The following FAM13A variants were observed in gnomAD, a reference collection of about 807,000 sequenced individuals.
FAM13A encodes protein FAM13A.
In FAM13A, 76 loss-of-function variants were observed where a neutral mutation model predicts 129.6. The observed-to-expected ratio is 0.59, with a 90% CI of 0.49 to 0.71. The LOEUF (loss-of-function observed/expected upper bound fraction) is 0.71, where lower values mean the gene tolerates loss of function less well. Among genes scored for constraint, FAM13A ranks in the 30% least tolerant of loss-of-function variants. The pLI is 0.00. For synonymous variants in FAM13A, 443 were observed against 449.9 expected (o/e 0.98, Z 0.20); for missense variants, 1,108 against 1,249.3 (o/e 0.89, Z 1.70).
chr4:88,733,170 A>G (rs1490610194), intron 21 of FAM13A, among the ~76,000 whole-genome samples: 1 of 152,264 alleles, frequency 6.6e-6, no homozygotes, highest in Non-Finnish European at 1.5e-5. Context: ...AGGCCGCAGC[A>G]GTTCCCGCTG....
In FAM13A at chr4:88,731,335, CT is replaced by C; in HGVS notation, c.2936del (p.Gln979ArgfsTer24). On this transcript the variant is annotated frameshift_variant, in exon 23 of 24. Transcript: ENST00000264344. LOFTEE classifies it high-confidence loss of function. Reference protein sequence around the residue: ...LRDFEDNFFRQNGRNVQKEDR... With the variant: ...LRDFEDNFFRXNGRNVQKEDR... ...GGGAAGACAGGCACTACCTTCCATT[CT>C]GTCTGAAAAAGTTGTCTTCAAAATC... The C allele has an allele frequency of 6.3e-7, 1 of 1,599,650 alleles. No individual in the cohort carries two copies. Among genetic ancestry groups the C allele is most frequent in the Non-Finnish European group, 8.5e-7 (1 of 1,171,408 alleles).
chr4:88,847,260 G>A (rs946923734), intron 7 of FAM13A, among the ~76,000 whole-genome samples: 8 of 152,124 alleles, frequency 5.3e-5, no homozygotes, highest in Non-Finnish European at 1.0e-4. Context: ...GTTCATGCCT[G>A]TAATCCCAGC....
chr4:88,826,664 T>C (rs1733042547), intron 7 of FAM13A, among the ~76,000 whole-genome samples: 1 of 152,144 alleles, frequency 6.6e-6, no homozygotes, highest in South Asian at 2.1e-4. Context: ...ATCAAGATCA[T>C]CAAATATAAG....
At chr4:88,863,692 A>G (rs1248908385) in intron 6 of FAM13A, among the ~76,000 whole-genome samples, 1 of 152,230 alleles carries the variant, frequency 6.6e-6, no homozygotes, top group Non-Finnish European at 1.5e-5. Flanking sequence ...CACCCAGTTC[A>G]TGTCTGCAGA....
chr4:88,749,061 C>T, intron 16 of FAM13A, 28 bp from the exon 17 acceptor site: 3 of 1,512,012 alleles, frequency 2.0e-6, no homozygotes, highest in Non-Finnish European at 2.8e-6. Context: ...AGAGTAAATG[C>T]TTTGGAACTG....
intron 3 of FAM13A, among the ~76,000 whole-genome samples, chr4:89,020,022 A>G (rs1371923593): frequency 6.6e-6 from 1 of 152,056 alleles, no homozygotes; most frequent in African/African-American, 2.4e-5. Flanking sequence ...ATTAGTCAGA[A>G]AAACATGTCT....
At chr4:88,881,363 C>A (rs977556628) in intron 6 of FAM13A, among the ~76,000 whole-genome samples, 1 of 152,148 alleles carries the variant, frequency 6.6e-6, no homozygotes, top group Non-Finnish European at 1.5e-5. Flanking sequence ...GTGGCTAGAT[C>A]CAGAAAAGGA....
At chr4:88,941,855 A>C (rs887278383) in intron 4 of FAM13A, among the ~76,000 whole-genome samples, 1 of 152,180 alleles carries the variant, frequency 6.6e-6, no homozygotes, top group Non-Finnish European at 1.5e-5. Flanking sequence ...CAGTGACTGA[A>C]GAGTCATTGG....
chr4:88,841,155 A>C (rs527776106), intron 7 of FAM13A, among the ~76,000 whole-genome samples: 52 of 152,320 alleles, frequency 3.4e-4, no homozygotes, highest in African/African-American at 1.2e-3. Context: ...TAATAGATTA[A>C]TTGGACTTCA....
chr4:89,055,858 A>T (rs1772148135), intron 1 of FAM13A, among the ~76,000 whole-genome samples: 1 of 152,222 alleles, frequency 6.6e-6, no homozygotes, highest in East Asian at 1.9e-4. Flanking sequence ...GTCATCCTGC[A>T]GTTTCACTAA....
chr4:88,981,621 T>TG (rs561471225), intron 4 of FAM13A, among the ~76,000 whole-genome samples: 14 of 152,140 alleles, frequency 9.2e-5, no homozygotes, highest in Non-Finnish European at 2.1e-4. Flanking sequence ...ATGAGGATGT[T>TG]GGTGTATTAT....
chr4:88,923,248 A>G (rs1403397148), intron 5 of FAM13A, among the ~76,000 whole-genome samples: 1 of 152,188 alleles, frequency 6.6e-6, no homozygotes, highest in African/African-American at 2.4e-5. Flanking sequence ...ACACAACAAC[A>G]AAAAAGAGAA....
intron 11 of FAM13A, 123 bp from the exon 12 acceptor site, chr4:88,768,182 A>G: frequency 1.8e-6 from 1 of 549,712 alleles, no homozygotes; most frequent in African/African-American, 1.9e-5. Flanking sequence ...TAGTCCTCAT[A>G]TTTTTATCTT....
intron 19 of FAM13A, among the ~76,000 whole-genome samples, chr4:88,745,167 CTG>C (rs34167827): frequency 6.6e-5 from 10 of 151,052 alleles, no homozygotes; most frequent in Non-Finnish European, 1.2e-4. Flanking sequence ...AGATAAACGT[CTG>C]TGTGTGTGTG....
At chr4:88,755,576 C>T (rs1056674462) in intron 14 of FAM13A, among the ~76,000 whole-genome samples, 8 of 152,154 alleles carry the variant, frequency 5.3e-5, no homozygotes, top group African/African-American at 1.9e-4. Flanking sequence ...ATAAAACTGA[C>T]ATTGTTTAGA....
At chr4:88,970,829 T>A (rs949526931) in intron 4 of FAM13A, among the ~76,000 whole-genome samples, 1 of 151,948 alleles carries the variant, frequency 6.6e-6, no homozygotes, top group African/African-American at 2.4e-5. Flanking sequence ...AAGAGAGGGA[T>A]AATAAAAATG....
intron 6 of FAM13A, among the ~76,000 whole-genome samples, chr4:88,851,487 T>C (rs1737559035): frequency 6.6e-6 from 1 of 151,852 alleles, no homozygotes; most frequent in Non-Finnish European, 1.5e-5. Flanking sequence ...ATAATCATTC[T>C]ATGTAATGAG....
intron 14 of FAM13A, among the ~76,000 whole-genome samples, chr4:88,752,066 G>T (rs929262595): frequency 6.6e-6 from 1 of 152,086 alleles, no homozygotes; most frequent in African/African-American, 2.4e-5. Context: ...CTCAATCCTG[G>T]CCGCACATTA....
At chr4:88,924,612 C>G (rs1345806234) in intron 5 of FAM13A, among the ~76,000 whole-genome samples, 1 of 152,078 alleles carries the variant, frequency 6.6e-6, no homozygotes, top group Non-Finnish European at 1.5e-5. Flanking sequence ...TAGAAGAAAA[C>G]CTAGGCATTA....
Sources: gnomAD v4.1 joint callset for allele counts (sites outside exome capture counted in the v4.1 genomes callset) on GRCh38, gnomAD v4.1.1 for gene constraint, MANE v1.5 for transcripts, NCBI Gene and HGNC (gene_info 2026-07-23, HGNC 2026-07-21) for gene names.